The following KIAA0825 variants were observed in gnomAD, a reference collection of about 807,000 sequenced individuals.
KIAA0825 encodes KIAA0825.
In KIAA0825, 119 loss-of-function variants were observed where a neutral mutation model predicts 147.6. That is an observed-to-expected ratio of 0.81 (90% confidence interval 0.69 to 0.94). The LOEUF is 0.94. Ranked by LOEUF, KIAA0825 falls within the 40% of genes least tolerant of loss-of-function variation. The pLI is 0.00. For synonymous variants in KIAA0825, 470 were observed against 518.1 expected (o/e 0.91, Z 1.26); for missense variants, 1,381 against 1,472.7 (o/e 0.94, Z 1.02).
In KIAA0825 at chr5:94,152,515, C is replaced by T. The variant is rs939921550; in HGVS notation, c.*1492G>A. ...CCAGCCTGGGCAACATAGTGAGACCCCATCTCTACAAAAACATTTTAAAAA... is the reference window on the plus strand; with the variant it reads ...CCAGCCTGGGCAACATAGTGAGACCTCATCTCTACAAAAACATTTTAAAAA... On this transcript the variant is annotated 3_prime_UTR_variant, in exon 21 of 21. Transcript: ENST00000682413. 1.3e-5 allele frequency among the ~76,000 whole-genome samples: 2 copies of T among 149,428 alleles called. No individual in the cohort carries two copies. Among genetic ancestry groups the T allele is most frequent in the Non-Finnish European group, 3.0e-5 (2 of 67,290 alleles).
At chr5:94,573,454 T>G (rs1008644118) in intron 2 of KIAA0825, among the ~76,000 whole-genome samples, 4 of 151,988 alleles carry the variant, frequency 2.6e-5, no homozygotes, top group African/African-American at 9.7e-5. Context: ...GTATTTTGAG[T>G]AGAGACAGAG....
chr5:94,575,890 A>T (rs1168270284), intron 2 of KIAA0825, among the ~76,000 whole-genome samples: 2 of 152,220 alleles, frequency 1.3e-5, no homozygotes, highest in Non-Finnish European at 2.9e-5. Context: ...AAGGAAGTTT[A>T]TGCAGTAAGG....
At chr5:94,376,528 C>G (rs909724569) in intron 20 of KIAA0825, among the ~76,000 whole-genome samples, 1 of 152,218 alleles carries the variant, frequency 6.6e-6, no homozygotes. Flanking sequence ...GTTCATGTAC[C>G]AATTCCCTTA....
intron 5 of KIAA0825, among the ~76,000 whole-genome samples, chr5:94,514,920 G>C (rs1343177631): frequency 6.6e-6 from 1 of 152,108 alleles, no homozygotes; most frequent in African/African-American, 2.4e-5. Flanking sequence ...AGGTGTCTTA[G>C]AGGTGATTCA....
At chr5:94,344,624 T>A (rs1310181795) in intron 20 of KIAA0825, among the ~76,000 whole-genome samples, 1 of 152,200 alleles carries the variant, frequency 6.6e-6, no homozygotes, top group Non-Finnish European at 1.5e-5. Context: ...GCAATATTCT[T>A]CATAATAGAC....
chr5:94,328,758 A>G (rs1780962670), intron 20 of KIAA0825, among the ~76,000 whole-genome samples: 1 of 148,792 alleles, frequency 6.7e-6, no homozygotes, highest in South Asian at 2.1e-4. Flanking sequence ...TGAGAGCTAG[A>G]AAAAAAAAAC....
rs546600856 is a variant in KIAA0825, at chr5:94,440,070, T to G, written c.2409A>C (p.Leu803Phe). 6.4e-7 allele frequency: 1 copy of G among 1,551,608 alleles called. No homozygotes were observed. Among genetic ancestry groups the G allele is most frequent in the South Asian group, 1.2e-5 (1 of 84,056 alleles). ...LKAEGQLKLL[L>F]SQPRCNWNLL... ...AGTTCCAGTTACAACGTGGCTGGGA[T>G]AAGAGCAGTTTCAACTGACCCTCGG... The change falls in exon 14 of 21, where the codon TTA (leucine) becomes TTC (phenylalanine). Residue 803 changes from leucine to phenylalanine, a missense_variant. Physicochemically the swap from Leu to Phe is conservative, Grantham distance 22. Transcript: ENST00000682413.
intron 6 of KIAA0825, among the ~76,000 whole-genome samples, chr5:94,482,003 G>A (rs1005135794): frequency 1.3e-5 from 2 of 151,776 alleles, no homozygotes; most frequent in Non-Finnish European, 2.9e-5. Flanking sequence ...TCAAATCCAC[G>A]GCCACTCCAT....
At chr5:94,443,303 T>A (rs1757319786) in intron 13 of KIAA0825, among the ~76,000 whole-genome samples, 1 of 151,426 alleles carries the variant, frequency 6.6e-6, no homozygotes, top group Non-Finnish European at 1.5e-5. Context: ...GAAAGTGAGA[T>A]TAGCCTTACA....
intron 20 of KIAA0825, among the ~76,000 whole-genome samples, chr5:94,168,913 C>T (rs1242663700): frequency 3.3e-5 from 5 of 152,160 alleles, no homozygotes; most frequent in Non-Finnish European, 7.4e-5. Context: ...TTAACTGTTA[C>T]ATTAAAAGAT....
intron 2 of KIAA0825, among the ~76,000 whole-genome samples, chr5:94,565,709 T>C (rs1274732544): frequency 4.6e-5 from 7 of 152,188 alleles, no homozygotes; most frequent in African/African-American, 1.7e-4. Flanking sequence ...AGGTAGTTTG[T>C]AGTGGGGAAA....
At chr5:94,458,514 G>A (rs926921837) in intron 12 of KIAA0825, among the ~76,000 whole-genome samples, 6 of 152,160 alleles carry the variant, frequency 3.9e-5, no homozygotes, top group East Asian at 1.9e-4. Flanking sequence ...CCAGCCAGTC[G>A]AATATTCTGG....
At chr5:94,335,358 C>T (rs965997287) in intron 20 of KIAA0825, among the ~76,000 whole-genome samples, 1 of 152,118 alleles carries the variant, frequency 6.6e-6, no homozygotes, top group Admixed American at 6.6e-5. Context: ...TCTAATCTTA[C>T]ATTTTTCTTA....
chr5:94,310,379 T>C (rs1015037604), intron 20 of KIAA0825, among the ~76,000 whole-genome samples: 27 of 151,862 alleles, frequency 1.8e-4, no homozygotes, highest in African/African-American at 6.5e-4. Flanking sequence ...ATAGACTAAA[T>C]GCTTTTTTCT....
chr5:94,415,291 G>A (rs973615827), intron 15 of KIAA0825: 11 of 152,082 alleles, frequency 7.2e-5, no homozygotes, highest in African/African-American at 2.4e-4. Flanking sequence ...GTTAATCTGG[G>A]TAGGTTAATT....
At chr5:94,459,184 C>T (rs1759507286) in intron 12 of KIAA0825, among the ~76,000 whole-genome samples, 2 of 152,164 alleles carry the variant, frequency 1.3e-5, no homozygotes, top group South Asian at 4.1e-4. Context: ...TAATATTCCA[C>T]TGTATGGATA....
intron 16 of KIAA0825, among the ~76,000 whole-genome samples, chr5:94,402,129 C>G (rs531748823): frequency 6.6e-6 from 1 of 152,126 alleles, no homozygotes; most frequent in East Asian, 1.9e-4. Flanking sequence ...TACTTTTACT[C>G]GGAATGAGCA....
intron 20 of KIAA0825, among the ~76,000 whole-genome samples, chr5:94,213,115 T>C (rs1236894273): frequency 2.6e-5 from 4 of 152,112 alleles, no homozygotes; most frequent in African/African-American, 4.8e-5. Context: ...GACTTAGGAT[T>C]GTAACCCCTG....
In KIAA0825 at chr5:94,554,925, G is replaced by T. The variant is rs556586464; in HGVS notation, c.-1-17798C>A. On this transcript the variant is annotated intron_variant, in intron 2 of 20. Coordinates refer to ENST00000682413, the MANE Select transcript of KIAA0825 (RefSeq NM_001145678.3). Reference sequence around the variant, plus strand: ...TTCAAGGGCTGTCCTGAATCATAATGCTATAAATTGCCTCTCTATATAGAC... The same window carrying T: ...TTCAAGGGCTGTCCTGAATCATAATTCTATAAATTGCCTCTCTATATAGAC... Among the ~76,000 whole-genome samples, 8 of 151,136 alleles carry T rather than the reference G, an allele frequency of 5.3e-5. No individual in the cohort carries two copies. In the East Asian group the frequency reaches 1.2e-3, roughly 22 times the overall value.
Sources: allele counts gnomAD v4.1 joint callset (sites outside exome capture counted in the v4.1 genomes callset), GRCh38; gene constraint gnomAD v4.1.1; transcripts MANE v1.5; gene names NCBI Gene and HGNC (gene_info 2026-07-23, HGNC 2026-07-21).